The following GRID2 variants were observed in gnomAD, a reference collection of about 807,000 sequenced individuals.
GRID2 encodes the protein glutamate receptor ionotropic, delta-2.
Under a neutral mutation model 114.8 loss-of-function variants are expected in GRID2, and 33 were observed. The ratio of observed to expected loss-of-function variants is 0.29; its 90% confidence interval spans 0.22 to 0.38. GRID2 has a LOEUF of 0.38. Ranked by LOEUF, GRID2 falls within the 10% of genes least tolerant of loss-of-function variation. GRID2 has a pLI of 1.00. For missense variants in GRID2, 1,184 were observed against 1,257.7 expected (o/e 0.94, Z 0.89); for synonymous variants, 505 against 449.9 (o/e 1.12, Z -1.55).
chr4:92,594,851 G>C (rs1728874649), intron 2 of GRID2, among the ~76,000 whole-genome samples: 1 of 151,972 alleles, frequency 6.6e-6, no homozygotes, highest in African/African-American at 2.4e-5. Flanking sequence ...GTTTCTGAAA[G>C]CAGTACTTAT....
intron 2 of GRID2, among the ~76,000 whole-genome samples, chr4:93,034,580 A>G (rs1022094728): frequency 5.3e-5 from 8 of 152,100 alleles, no homozygotes; most frequent in Admixed American, 4.6e-4. Flanking sequence ...TGTCCCAACT[A>G]TGCTTTCTTA....
chr4:93,753,136 G>A (rs1478391266), intron 14 of GRID2, among the ~76,000 whole-genome samples: 1 of 152,112 alleles, frequency 6.6e-6, no homozygotes, highest in Non-Finnish European at 1.5e-5. Flanking sequence ...CTATCTACAT[G>A]CCTACAGGCA....
chr4:92,503,444 T>G (rs1723790959), intron 1 of GRID2, among the ~76,000 whole-genome samples: 1 of 152,128 alleles, frequency 6.6e-6, no homozygotes, highest in Admixed American at 6.6e-5. Context: ...TATGGTTCTA[T>G]CCAAATCCCT....
At chr4:93,047,755 A>G (rs962097939) in intron 2 of GRID2, among the ~76,000 whole-genome samples, 2 of 151,944 alleles carry the variant, frequency 1.3e-5, no homozygotes, top group East Asian at 1.9e-4. Context: ...TTTTCTCTAG[A>G]TGGCTAGAGA....
chr4:92,881,592 G>A (rs540032866), intron 2 of GRID2, among the ~76,000 whole-genome samples: 4 of 152,260 alleles, frequency 2.6e-5, no homozygotes, highest in African/African-American at 9.6e-5. Flanking sequence ...GTTGTCAATA[G>A]ATCATATGAC....
intron 14 of GRID2, among the ~76,000 whole-genome samples, chr4:93,746,681 A>T (rs989764207): frequency 1.3e-4 from 20 of 152,144 alleles, no homozygotes; most frequent in Admixed American, 6.6e-5. Context: ...GTTTGATATG[A>T]ACATTATTTA....
At chr4:92,502,814 T>C (rs768480188) in intron 1 of GRID2, among the ~76,000 whole-genome samples, 4 of 146,832 alleles carry the variant, frequency 2.7e-5, no homozygotes, top group Non-Finnish European at 5.9e-5. Context: ...GCCTCCTGGG[T>C]TCAAGCAAAT....
intron 9 of GRID2, among the ~76,000 whole-genome samples, chr4:93,405,210 A>T (rs1766292182): frequency 1.3e-5 from 2 of 152,124 alleles, no homozygotes; most frequent in Admixed American, 1.3e-4. Flanking sequence ...GGAAAATATG[A>T]TTTTTATAAA....
At chr4:93,194,325 A>G (rs1476251749) in intron 4 of GRID2, among the ~76,000 whole-genome samples, 3 of 152,216 alleles carry the variant, frequency 2.0e-5, no homozygotes, top group Non-Finnish European at 4.4e-5. Context: ...GTGCAAAGCT[A>G]TAATTTGTGT....
At chr4:93,086,781 CCT>C (rs1234597189) in intron 3 of GRID2, among the ~76,000 whole-genome samples, 5 of 151,974 alleles carry the variant, frequency 3.3e-5, no homozygotes, top group Non-Finnish European at 5.9e-5. Flanking sequence ...CCTGAAATTC[CCT>C]GATAGGATTA....
At chr4:92,966,267 G>A (rs1267799652) in intron 2 of GRID2, among the ~76,000 whole-genome samples, 1 of 151,906 alleles carries the variant, frequency 6.6e-6, no homozygotes, top group African/African-American at 2.4e-5. Flanking sequence ...TTAAGGAGTA[G>A]TTGCCTTATA....
intron 2 of GRID2, among the ~76,000 whole-genome samples, chr4:92,690,006 A>G (rs1734098447): frequency 6.6e-6 from 1 of 152,044 alleles, no homozygotes; most frequent in Admixed American, 6.6e-5. Flanking sequence ...CTTTCTCTAC[A>G]TCAGCCATAA....
At position 93,552,788 on chromosome 4, in the gene GRID2, C is replaced by T. The variant is rs1210808943; in HGVS notation, c.2193+37377C>T. Among the ~76,000 whole-genome samples, 6 of 149,018 alleles carry T rather than the reference C, an allele frequency of 4.0e-5. 1 individual carries two copies. In the East Asian group the frequency reaches 1.2e-3, roughly 30 times the overall value. ...CCTAATGCTACCCCTCCCCCAGCCC[C>T]CCACCCCCCAATAGGCCCCAGTGTG... is the stretch of plus-strand genomic sequence containing the variant. On this transcript the variant is annotated intron_variant, in intron 13 of 15. Coordinates refer to ENST00000282020, the MANE Select transcript of GRID2 (RefSeq NM_001510.4).
chr4:92,740,110 T>A (rs1241115042), intron 2 of GRID2, among the ~76,000 whole-genome samples: 1 of 152,202 alleles, frequency 6.6e-6, no homozygotes, highest in African/African-American at 2.4e-5. Flanking sequence ...TTTGAGATTT[T>A]CTTTTCTCTG....
intron 9 of GRID2, among the ~76,000 whole-genome samples, chr4:93,401,094 A>G (rs1765840835): frequency 6.6e-6 from 1 of 152,114 alleles, no homozygotes; most frequent in African/African-American, 2.4e-5. Context: ...TATTGGGATT[A>G]CAGGTATGAG....
chr4:93,798,695 C>T (rs1734857956), intron 1 of GRID2, among the ~76,000 whole-genome samples: 1 of 152,148 alleles, frequency 6.6e-6, no homozygotes, highest in Non-Finnish European at 1.5e-5. Flanking sequence ...ACAGAATAAA[C>T]TTTACTAGTT....
intron 14 of GRID2, among the ~76,000 whole-genome samples, chr4:93,654,579 C>A (rs528591190): frequency 6.6e-6 from 1 of 152,166 alleles, no homozygotes; most frequent in East Asian, 1.9e-4. Context: ...GGAAAAAAAA[C>A]TTATGTAGTA....
chr4:93,317,882 C>G (rs1192849720), intron 8 of GRID2, among the ~76,000 whole-genome samples: 1 of 150,376 alleles, frequency 6.6e-6, no homozygotes, highest in Non-Finnish European at 1.5e-5. Context: ...ACAATTTTCT[C>G]TCACTAAATA....
intron 8 of GRID2, among the ~76,000 whole-genome samples, chr4:93,251,881 A>T (rs1239334114): frequency 1.3e-5 from 2 of 151,956 alleles, no homozygotes; most frequent in Admixed American, 1.3e-4. Context: ...GTGTATATGT[A>T]CCACATGGGC....
Sources: gnomAD v4.1 joint callset for allele counts (sites outside exome capture counted in the v4.1 genomes callset) on GRCh38, gnomAD v4.1.1 for gene constraint, MANE v1.5 for transcripts, NCBI Gene and HGNC (gene_info 2026-07-23, HGNC 2026-07-21) for gene names.